CYP4Z1: variants seen among roughly 807,000 people sequenced by gnomAD.
CYP4Z1 encodes cytochrome P450 family 4 subfamily Z member 1.
Under a neutral mutation model 54.2 loss-of-function variants are expected in CYP4Z1, and 41 were observed. That is an observed-to-expected ratio of 0.76 (90% CI 0.59 to 0.98). The LOEUF is 0.98. Ranked by LOEUF, CYP4Z1 falls within the 50% of genes least tolerant of loss-of-function variation. The pLI, the probability that CYP4Z1 is intolerant of heterozygous loss-of-function variation, is 0.00. For synonymous variants in CYP4Z1, 163 were observed against 206.2 expected (o/e 0.79, Z 1.79); for missense variants, 513 against 599.0 (o/e 0.86, Z 1.50).
intron 11 of CYP4Z1, 25 bp from the exon 12 acceptor site, chr1:47,117,741 A>T: frequency 6.3e-7 from 1 of 1,589,670 alleles, no homozygotes. Flanking sequence ...ATTAGATGCC[A>T]TGTTTTCTTT....
At chr1:47,101,133 C>T (rs1056141954) in intron 8 of CYP4Z1, among the ~76,000 whole-genome samples, 3 of 151,954 alleles carry the variant, frequency 2.0e-5, no homozygotes, top group Non-Finnish European at 2.9e-5. Context: ...TTATTTGGAT[C>T]TTCTCTCTTT....
chr1:47,057,053 G>A, the CYP4Z1 span, among the ~76,000 whole-genome samples: 1 of 151,880 alleles, frequency 6.6e-6, no homozygotes, highest in East Asian at 1.9e-4. Context: ...TGCAGTAGCT[G>A]GTGCCAGTTG....
rs1484638374 is a variant in CYP4Z1 at position 47,104,947 on chromosome 1, G to A, written c.1068-1181G>A. Among the ~76,000 whole-genome samples, 4 of 151,854 alleles carry A rather than the reference G, an allele frequency of 2.6e-5. No individual in the cohort carries two copies. The East Asian group carries it at 7.8e-4, about 29-fold the overall frequency. On this transcript the variant is annotated intron_variant, in intron 8 of 11. Transcript: ENST00000334194. ...TTTTTTGAGGCGGAGTTTTGCTCTT[G>A]TTGCCCAGGCTGGAGTGCAATGGCA...
chr1:47,086,501 A>G (rs1447668427), intron 6 of CYP4Z1, among the ~76,000 whole-genome samples: 2 of 152,194 alleles, frequency 1.3e-5, no homozygotes, highest in Admixed American at 1.3e-4. Flanking sequence ...TCTTTTGAGA[A>G]GTGTCTGTTC....
the CYP4Z1 span, among the ~76,000 whole-genome samples, chr1:47,058,564 G>A: frequency 6.6e-6 from 1 of 152,060 alleles, no homozygotes; most frequent in African/African-American, 2.4e-5. Context: ...GAGGACCTAC[G>A]GGCAATCCTT....
At chr1:47,097,886 G>A (rs1348588201) in intron 7 of CYP4Z1, among the ~76,000 whole-genome samples, 2 of 147,092 alleles carry the variant, frequency 1.4e-5, no homozygotes, top group Non-Finnish European at 3.0e-5. Flanking sequence ...TGTGCTCCTG[G>A]CTCACTGCAA....
intron 11 of CYP4Z1, among the ~76,000 whole-genome samples, chr1:47,117,096 G>A (rs1368370545): frequency 6.6e-6 from 1 of 152,154 alleles, no homozygotes; most frequent in East Asian, 1.9e-4. Flanking sequence ...AGAGAGCAAT[G>A]TTGTTCTAAA....
chr1:47,087,970 T>C (rs532823505), intron 6 of CYP4Z1, among the ~76,000 whole-genome samples: 3 of 152,340 alleles, frequency 2.0e-5, no homozygotes, highest in South Asian at 2.1e-4. Context: ...TTTTTGTCTT[T>C]GGTTCTCTTT....
chr1:47,092,446 G>A (rs1644645745), intron 6 of CYP4Z1, among the ~76,000 whole-genome samples: 1 of 151,474 alleles, frequency 6.6e-6, no homozygotes, highest in Non-Finnish European at 1.5e-5. Context: ...CAGCCTTTCT[G>A]TAAAGGCTAC....
chr1:47,112,575 G>A (rs1569760796), intron 9 of CYP4Z1, among the ~76,000 whole-genome samples: 1 of 152,088 alleles, frequency 6.6e-6, no homozygotes, highest in East Asian at 1.9e-4. Flanking sequence ...ATGTATATAA[G>A]TACAAAAATT....
chr1:47,108,067 G>C (rs1057514595), intron 9 of CYP4Z1, among the ~76,000 whole-genome samples: 1 of 152,164 alleles, frequency 6.6e-6, no homozygotes, highest in Non-Finnish European at 1.5e-5. Context: ...CTACAATGAA[G>C]GGACAGGAAG....
chr1:47,093,459 G>A (rs145534614), intron 6 of CYP4Z1, among the ~76,000 whole-genome samples: 717 of 152,226 alleles, frequency 4.7e-3, no homozygotes, highest in African/African-American at 0.016. Flanking sequence ...TAATCTGCCC[G>A]GCTCCCCAAA....
chr1:47,114,827 G>A (rs375314518), intron 9 of CYP4Z1, among the ~76,000 whole-genome samples: 5 of 152,040 alleles, frequency 3.3e-5, no homozygotes, highest in Admixed American at 6.6e-5. Flanking sequence ...GAGAAATAGG[G>A]ACACTTTTAC....
intron 6 of CYP4Z1, among the ~76,000 whole-genome samples, chr1:47,091,418 A>G (rs1644637203): frequency 6.9e-6 from 1 of 144,188 alleles, no homozygotes; most frequent in Non-Finnish European, 1.5e-5. Context: ...TAACCTGCTA[A>G]TTTTGTGGTG....
At chr1:47,117,211 C>G (rs1644836579) in intron 11 of CYP4Z1, among the ~76,000 whole-genome samples, 1 of 152,168 alleles carries the variant, frequency 6.6e-6, no homozygotes, top group Non-Finnish European at 1.5e-5. Flanking sequence ...AAGGCTTCAA[C>G]TGCACAGCCT....
intron 7 of CYP4Z1, among the ~76,000 whole-genome samples, chr1:47,098,099 G>A (rs1174481458): frequency 6.6e-6 from 1 of 152,138 alleles, no homozygotes; most frequent in Non-Finnish European, 1.5e-5. Flanking sequence ...TTACAAGCGT[G>A]AGCCGCTGCA....
intron 6 of CYP4Z1, among the ~76,000 whole-genome samples, chr1:47,089,822 A>C (rs987604296): frequency 3.9e-5 from 6 of 152,260 alleles, no homozygotes; most frequent in Non-Finnish European, 7.3e-5. Flanking sequence ...AGCAGGCAGT[A>C]GCAAGAAAGA....
chr1:47,067,425 G>C lies in CYP4Z1; in HGVS notation c.-66G>C. 7.1e-7 allele frequency: 1 copy of C among 1,404,670 alleles called. No individual in the cohort carries two copies. Among genetic ancestry groups the C allele is most frequent in the Non-Finnish European group, 9.5e-7 (1 of 1,057,362 alleles). The allele number at this position is 1,404,670 out of a possible 1,614,324, so 87.0% of individuals were successfully genotyped here. A position where few individuals can be genotyped will look rare whatever the true frequency, so the allele number is the denominator to read the frequency against. On this transcript the variant is annotated 5_prime_UTR_variant, in exon 1 of 12. An upstream start codon of the reference 5' UTR is lost. Coordinates refer to ENST00000334194, the MANE Select transcript of CYP4Z1 (RefSeq NM_178134.3). ...CAGGGGGCATCTCCTTTGTGTTTAT[G>C]AGAGACCTGCATTCTCCCTGGCTCA...
Position 47,068,604 on chromosome 1 carries a change from T to G in CYP4Z1, c.178-18T>G. 6.2e-7 allele frequency: 1 copy of G among 1,613,336 alleles called. No homozygotes were observed. Among genetic ancestry groups the G allele is most frequent in the Non-Finnish European group, 8.5e-7 (1 of 1,179,560 alleles). On this transcript the variant is annotated intron_variant, in intron 1 of 11. Coordinates refer to ENST00000334194, the MANE Select transcript of CYP4Z1 (RefSeq NM_178134.3). ...GGTGACAACCTTTACTAACCAGTCATGACTTATCTTATGACAGTTTTACCC... is the reference window on the plus strand; with the variant it reads ...GGTGACAACCTTTACTAACCAGTCAGGACTTATCTTATGACAGTTTTACCC...
Sources: gnomAD v4.1 joint callset for allele counts (sites outside exome capture counted in the v4.1 genomes callset) on GRCh38, gnomAD v4.1.1 for gene constraint, MANE v1.5 for transcripts, NCBI Gene and HGNC (gene_info 2026-07-23, HGNC 2026-07-21) for gene names.